MYT1L: variants seen among roughly 807,000 people sequenced by gnomAD.
MYT1L encodes the protein myelin transcription factor 1-like protein.
Under a neutral mutation model 126.7 loss-of-function variants are expected in MYT1L, and 12 were observed. The observed-to-expected ratio is 0.09, with a 90% CI of 0.06 to 0.15. The LOEUF (loss-of-function observed/expected upper bound fraction) is 0.15. Among genes scored for constraint, MYT1L ranks in the 10% least tolerant of loss-of-function variants. The pLI, the probability that MYT1L is intolerant of heterozygous loss-of-function variation, is 1.00. For missense variants in MYT1L, 979 were observed against 1,585.2 expected, an observed-to-expected ratio of 0.62 and a Z score of 6.49; for synonymous variants, 541 against 604.2, an observed-to-expected ratio of 0.90 and a Z score of 1.53.
chr2:1,909,001 G>T (rs975115833), intron 13 of MYT1L, among the ~76,000 whole-genome samples: 1 of 152,176 alleles, frequency 6.6e-6, no homozygotes, highest in Non-Finnish European at 1.5e-5. Flanking sequence ...GAGGAAGGGA[G>T]TTTAATTACT....
At chr2:2,326,625 G>A (rs1183491056) in intron 1 of MYT1L, 1 of 152,046 alleles carries the variant, frequency 6.6e-6, no homozygotes, top group Non-Finnish European at 1.5e-5. Context: ...GAGGTACATG[G>A]TAGGAAAATT....
intron 3 of MYT1L, among the ~76,000 whole-genome samples, 173 bp from the exon 4 acceptor site, chr2:2,054,296 T>C (rs2069201668): frequency 6.6e-6 from 1 of 151,752 alleles, no homozygotes; most frequent in Admixed American, 6.6e-5. Context: ...ATGAGATGCA[T>C]GGGGATGATG....
chr2:2,123,217 T>G (rs1031582821), intron 3 of MYT1L, among the ~76,000 whole-genome samples: 1 of 152,158 alleles, frequency 6.6e-6, no homozygotes, highest in African/African-American at 2.4e-5. Context: ...TTTGATTTGT[T>G]TGGGGCTGTT....
At chr2:2,223,152 G>T (rs1028997384) in intron 2 of MYT1L, among the ~76,000 whole-genome samples, 16 of 152,148 alleles carry the variant, frequency 1.1e-4, no homozygotes, top group Non-Finnish European at 8.8e-5. Context: ...CTAGACTGTT[G>T]ACCACAGACA....
chr2:1,881,462 T>C (rs535167486), intron 18 of MYT1L, among the ~76,000 whole-genome samples: 211 of 152,108 alleles, frequency 1.4e-3, no homozygotes, highest in Non-Finnish European at 2.3e-3. Context: ...TTAATTGTAT[T>C]TCCTATATTT....
At chr2:2,099,924 GA>G (rs1481710391) in intron 3 of MYT1L, among the ~76,000 whole-genome samples, 3 of 152,234 alleles carry the variant, frequency 2.0e-5, no homozygotes, top group Admixed American at 1.3e-4. Context: ...AGGCTATTCT[GA>G]AAGACTTATG....
intron 9 of MYT1L, among the ~76,000 whole-genome samples, chr2:1,934,307 T>C (rs116399830): frequency 0.018 from 2,379 of 132,180 alleles, 181 homozygotes; most frequent in African/African-American, 0.061. Context: ...TATATATATA[T>C]ACAACCTCAT....
chr2:2,094,985 T>G (rs2077289910), intron 3 of MYT1L, among the ~76,000 whole-genome samples: 1 of 152,242 alleles, frequency 6.6e-6, no homozygotes, highest in Non-Finnish European at 1.5e-5. Flanking sequence ...TGTCACCTGC[T>G]GCTCCTTCAA....
Position 1,887,474 on chromosome 2 carries a change from C to G in MYT1L, c.2642+14G>C. The G allele has an allele frequency of 6.2e-7, 1 of 1,613,910 alleles. No homozygotes were observed. The highest frequency in any genetic ancestry group is 8.5e-7 in the Non-Finnish European group (1 of 1,179,852). ...ATTAAGAAGATTCATAATTTCACCT[C>G]ACAGCATGCTTACGTTATTAAGTCC... On this transcript the variant is annotated intron_variant, in intron 17 of 24. Coordinates refer to ENST00000647738, the MANE Select transcript of MYT1L (RefSeq NM_001303052.2). The surrounding 1 kb of genome is among the most constrained non-coding windows in gnomAD (Gnocchi z 4.8).
At chr2:2,019,225 G>A (rs1020776463) in intron 4 of MYT1L, among the ~76,000 whole-genome samples, 1 of 152,094 alleles carries the variant, frequency 6.6e-6, no homozygotes, top group Non-Finnish European at 1.5e-5. Context: ...TCTTTCCCAT[G>A]CTGTTCTTGT....
At chr2:2,180,511 C>T (rs527766693) in intron 2 of MYT1L, among the ~76,000 whole-genome samples, 3 of 152,076 alleles carry the variant, frequency 2.0e-5, no homozygotes, top group East Asian at 3.9e-4. Context: ...AAGGTGTATG[C>T]GAACCTGTGT....
rs1179506869 is a variant in MYT1L, at chr2:1,822,745, A to ACC, written c.3081-13579_3081-13578insGG. Among the ~76,000 whole-genome samples, 32 of 143,462 alleles carry ACC rather than the reference A, an allele frequency of 2.2e-4. 1 individual carries two copies. The highest frequency in any genetic ancestry group is 6.3e-4 in the African/African-American group (23 of 36,450). The allele number at this position is 143,462 out of a possible 152,430, so 94.1% of individuals were successfully genotyped here. ...CCTGGCAGTCAGAAGCCACCGCCTC[A>ACC]TGGCTGCTGCTGTGTCCACGGTGAA... On this transcript the variant is annotated intron_variant, in intron 21 of 24. Transcript: ENST00000647738.
At chr2:2,056,810 A>G (rs1355314455) in intron 3 of MYT1L, among the ~76,000 whole-genome samples, 1 of 152,094 alleles carries the variant, frequency 6.6e-6, no homozygotes, top group Middle Eastern at 3.2e-3. Context: ...TCTCAGTCAC[A>G]CTCTGTTCTC....
intron 2 of MYT1L, among the ~76,000 whole-genome samples, chr2:2,280,304 C>A (rs1379142373): frequency 6.6e-6 from 1 of 152,194 alleles, no homozygotes; most frequent in African/African-American, 2.4e-5. Flanking sequence ...TGGTTCACAG[C>A]TTTACGTATT....
intron 14 of MYT1L, among the ~76,000 whole-genome samples, chr2:1,900,162 T>G (rs775067576): frequency 5.3e-5 from 8 of 152,206 alleles, no homozygotes; most frequent in Non-Finnish European, 1.0e-4. Flanking sequence ...AAAGATACAT[T>G]GAAGAGTAAC....
In MYT1L at chr2:2,327,535, C is replaced by T. The variant is rs570926899; in HGVS notation, c.-521+3432G>A. On this transcript the variant is annotated intron_variant, in intron 1 of 24. Transcript: ENST00000647738. ...AATAGGAAAATGCATAACATCATTG[C>T]GCTCAAATTACGCTATGGAGTAATT... Among the ~76,000 whole-genome samples the T allele has an allele frequency of 8.1e-4, 123 of 152,180 alleles. 1 individual carries two copies. The South Asian group carries it at 0.018, about 22-fold the overall frequency.
At chr2:1,967,758 T>G (rs2059484553) in intron 8 of MYT1L, among the ~76,000 whole-genome samples, 1 of 152,076 alleles carries the variant, frequency 6.6e-6, no homozygotes, top group African/African-American at 2.4e-5. Flanking sequence ...GGTGTTTTGC[T>G]GCGCAGGCGA....
intron 8 of MYT1L, among the ~76,000 whole-genome samples, chr2:1,958,633 GCTGC>G (rs1558541406): frequency 6.6e-6 from 1 of 152,212 alleles, no homozygotes; most frequent in South Asian, 2.1e-4. Flanking sequence ...GCCGCTCTGT[GCTGC>G]CTGCTTTCTA....
chr2:1,802,183 C>T (rs972505711), intron 22 of MYT1L, among the ~76,000 whole-genome samples: 2 of 152,172 alleles, frequency 1.3e-5, no homozygotes, highest in African/African-American at 4.8e-5. Flanking sequence ...GACTCGCTGT[C>T]TGCATCAGTC....
Sources: allele counts gnomAD v4.1 joint callset (sites outside exome capture counted in the v4.1 genomes callset), GRCh38; gene constraint gnomAD v4.1.1; non-coding constraint Gnocchi (gnomAD v3.1); transcripts MANE v1.5; gene names NCBI Gene and HGNC (gene_info 2026-07-23, HGNC 2026-07-21).